DEAF1: variants seen among roughly 807,000 people sequenced by gnomAD.
DEAF1 encodes the protein DEAF1 transcription factor.
DEAF1 carries 53 observed loss-of-function variants against 58.9 expected under a neutral mutation model. The observed-to-expected ratio is 0.90, with a 90% CI of 0.72 to 1.13. The LOEUF (loss-of-function observed/expected upper bound fraction) is 1.13. Among genes scored for constraint, DEAF1 ranks in the 50% most tolerant of loss-of-function variants. DEAF1 has a pLI of 0.00. For missense variants in DEAF1, 685 were observed against 791.4 expected (o/e 0.87, Z 1.61); for synonymous variants, 385 against 340.4 (o/e 1.13, Z -1.44).
At chr11:654,094 G>T (rs774148850) in intron 10 of DEAF1, 43 bp from the exon 11 acceptor site, 6 of 1,553,116 alleles carry the variant, frequency 3.9e-6, no homozygotes, top group Non-Finnish European at 5.3e-6. Context: ...CGTGGCCGTG[G>T]AGAGCCCCTG....
At chr11:701,628 T>C (rs187061039) in intron 1 of DEAF1, among the ~76,000 whole-genome samples, 2,694 of 151,724 alleles carry the variant, frequency 0.018, 63 homozygotes, top group East Asian at 0.055. Flanking sequence ...CCAGGATGGT[T>C]TCCATCTCCT....
At chr11:674,412 T>C (rs1249523627) in intron 10 of DEAF1, 124 bp downstream of exon 10, 5 of 1,347,318 alleles carry the variant, frequency 3.7e-6, no homozygotes, top group Non-Finnish European at 5.3e-6. Flanking sequence ...ACAGCTCCCT[T>C]TTCCAGAAAG....
At chr11:698,909 C>T, upstream of DEAF1, 1 of 1,614,034 alleles carries the variant, frequency 6.2e-7, no homozygotes, top group Non-Finnish European at 8.5e-7. Flanking sequence ...GCGTGCCCCT[C>T]CAGGACAGCA....
intron 6 of DEAF1, among the ~76,000 whole-genome samples, chr11:682,043 T>C (rs186759024): frequency 5.2e-5 from 8 of 152,386 alleles, no homozygotes; most frequent in African/African-American, 9.6e-5. Flanking sequence ...AGCTTGTTTA[T>C]TACTCAGGTA....
chr11:682,560 C>G (rs187041666), intron 6 of DEAF1, among the ~76,000 whole-genome samples: 13 of 152,030 alleles, frequency 8.6e-5, no homozygotes, highest in African/African-American at 3.1e-4. Context: ...TCTGTTCTTA[C>G]GGCCTCTCTC....
chr11:695,687 G>T, upstream of DEAF1: 1 of 1,243,720 alleles, frequency 8.0e-7, no homozygotes. Flanking sequence ...TCGGGCCTCG[G>T]CCGTGGCTCG....
intron 1 of DEAF1, chr11:700,783 T>G (rs1218117641): frequency 1.5e-6 from 2 of 1,340,752 alleles, no homozygotes. Flanking sequence ...CAAGAGTAAT[T>G]ATTTTATAGT....
chr11:681,732 A>AT (rs1860385574), intron 6 of DEAF1, among the ~76,000 whole-genome samples: 1 of 151,836 alleles, frequency 6.6e-6, no homozygotes, highest in African/African-American at 2.4e-5. Flanking sequence ...TAAATAATTT[A>AT]TATCTCTTCA....
At chr11:661,754 G>A (rs117975153) in intron 10 of DEAF1, among the ~76,000 whole-genome samples, 4,607 of 152,102 alleles carry the variant, frequency 0.03, 102 homozygotes, top group Middle Eastern at 0.044. Flanking sequence ...GCAGCGTCAC[G>A]CCTGCCCTCC....
chr11:702,908 T>TA, intron 1 of DEAF1: 1 of 1,554,224 alleles, frequency 6.4e-7, no homozygotes. Flanking sequence ...AGGGAGCGCC[T>TA]CGCACCACCT....
upstream of DEAF1, chr11:695,312 CGAG>C (rs1257333561): frequency 1.6e-5 from 7 of 442,182 alleles, no homozygotes; most frequent in Non-Finnish European, 2.8e-5. Flanking sequence ...AGTCCTGAAC[CGAG>C]GAGGGTCGAA....
intron 1 of DEAF1, chr11:694,504 G>A (rs1861006136): frequency 2.8e-6 from 1 of 356,552 alleles, no homozygotes; most frequent in Non-Finnish European, 5.0e-6. Flanking sequence ...AGGGGCGGGT[G>A]GGGCAGGTGT....
chr11:700,578 A>G, intron 1 of DEAF1: 5 of 1,524,526 alleles, frequency 3.3e-6, no homozygotes, highest in Non-Finnish European at 4.5e-6. Context: ...CTGCTGTGCC[A>G]GGTTACTTAT....
chr11:644,574 G>C lies in DEAF1; in HGVS notation c.1674C>G (p.Ser558Arg), dbSNP rs766292709. Residue 558 changes from serine (S) to arginine (R), a missense_variant, in exon 12 of 12, where the codon AGC becomes AGG. This residue lies in a region of DEAF1 where 343 missense variants were observed against 379.8 expected (regional missense o/e 0.90). Transcript: ENST00000382409. The surrounding 1 kb of genome is among the most constrained non-coding windows in gnomAD (Gnocchi z 4.3). ...CTCACACGGTCACCTTCTCCATCACGCTTTCAGCCACGTGGACTTCGTCTG... is the reference window on the plus strand; with the variant it reads ...CTCACACGGTCACCTTCTCCATCACCCTTTCAGCCACGTGGACTTCGTCTG... Reference protein sequence around the residue: ...VQADEVHVAESVMEKVTV With the variant: ...VQADEVHVAERVMEKVTV 6.2e-7 allele frequency: 1 copy of C among 1,612,884 alleles called. No homozygotes were observed. The highest frequency in any genetic ancestry group is 1.1e-5 in the South Asian group (1 of 91,032).
intron 11 of DEAF1, among the ~76,000 whole-genome samples, chr11:649,429 AAAC>A (rs1160567383): frequency 4.8e-3 from 286 of 59,398 alleles, no homozygotes; most frequent in South Asian, 0.031. Context: ...TTAAAAAAAA[AAAC>A]AAAACAGCTG....
intron 1 of DEAF1, among the ~76,000 whole-genome samples, chr11:705,620 G>A (rs1430023307): frequency 2.0e-5 from 3 of 152,196 alleles, no homozygotes; most frequent in African/African-American, 7.2e-5. Context: ...CAGGCCTGGG[G>A]TGGGCATGGC....
rs376911769 is a variant in DEAF1 at position 703,079 on chromosome 11, G to A, written c.-438+3493C>T. 1.1e-5 allele frequency: 18 copies of A among 1,612,484 alleles called. No homozygotes were observed. Among genetic ancestry groups the A allele is most frequent in the African/African-American group, 2.7e-5 (2 of 74,940 alleles). On this transcript the variant is annotated intron_variant, in intron 1 of 11. Transcript: ENST00000683307. ...GTTGTGGGCGGACTGGGCCCTCAGC[G>A]CCACGCTCCTGGCCCTTCACGGCCT...
chr11:699,791 TAACTC>T, upstream of DEAF1: 1 of 231,706 alleles, frequency 4.3e-6, no homozygotes, highest in Non-Finnish European at 8.5e-6. Flanking sequence ...TTTTCTCTCT[TAACTC>T]ATAACTGGGG....
chr11:647,723 CAT>C (rs932086769), intron 11 of DEAF1, among the ~76,000 whole-genome samples: 18 of 152,328 alleles, frequency 1.2e-4, no homozygotes, highest in East Asian at 5.8e-4. Flanking sequence ...CGATCCAACT[CAT>C]GTGCACGTCT....
Sources: allele counts gnomAD v4.1 joint callset (sites outside exome capture counted in the v4.1 genomes callset), GRCh38; gene constraint gnomAD v4.1.1; regional missense constraint gnomAD v4.1.1; non-coding constraint Gnocchi (gnomAD v3.1); transcripts MANE v1.5; gene names NCBI Gene and HGNC (gene_info 2026-07-23, HGNC 2026-07-21).